The following PDE10A variants were observed in gnomAD, a reference collection of about 807,000 sequenced individuals.
PDE10A encodes cAMP and cAMP-inhibited cGMP 3',5'-cyclic phosphodiesterase 10A.
Under a neutral mutation model 97.7 loss-of-function variants are expected in PDE10A, and 39 were observed. The ratio of observed to expected loss-of-function variants is 0.40; its 90% CI spans 0.31 to 0.52. PDE10A has a LOEUF of 0.52. Ranked by LOEUF, PDE10A falls within the 20% of genes least tolerant of loss-of-function variation. The pLI is 0.56. For synonymous variants in PDE10A, 371 were observed against 376.8 expected, an observed-to-expected ratio of 0.98 and a Z score of 0.18; for missense variants, 731 against 1,047.8, an observed-to-expected ratio of 0.70 and a Z score of 4.17.
intron 3 of PDE10A, among the ~76,000 whole-genome samples, chr6:165,457,319 G>C (rs187518402): frequency 4.0e-5 from 6 of 148,550 alleles, no homozygotes; most frequent in Non-Finnish European, 5.9e-5. Context: ...TTCGTAATTC[G>C]AGACGAGTTA....
At chr6:165,906,000 CTT>C (rs1345440697) in intron 1 of PDE10A, among the ~76,000 whole-genome samples, 14 of 60,838 alleles carry the variant, frequency 2.3e-4, no homozygotes, top group African/African-American at 8.2e-4. Flanking sequence ...TCCTTCCTTC[CTT>C]CCTTCCTTCC....
intron 1 of PDE10A, among the ~76,000 whole-genome samples, chr6:165,925,995 G>A (rs1038498687): frequency 6.6e-6 from 1 of 152,190 alleles, no homozygotes; most frequent in Non-Finnish European, 1.5e-5. Flanking sequence ...AAGGGTATAT[G>A]AGGCTCTGTA....
intron 1 of PDE10A, among the ~76,000 whole-genome samples, chr6:165,926,829 T>C (rs972849746): frequency 2.0e-5 from 3 of 152,226 alleles, no homozygotes; most frequent in African/African-American, 7.2e-5. Context: ...TGTTGTACTT[T>C]ACATCAAAAA....
intron 1 of PDE10A, among the ~76,000 whole-genome samples, chr6:165,915,176 T>A (rs925179645): frequency 6.6e-6 from 1 of 152,130 alleles, no homozygotes; most frequent in Non-Finnish European, 1.5e-5. Flanking sequence ...GTCAAACTGC[T>A]TGTGTACAAC....
intron 3 of PDE10A, among the ~76,000 whole-genome samples, chr6:165,473,144 A>G (rs780851700): frequency 6.6e-5 from 10 of 152,242 alleles, no homozygotes; most frequent in Non-Finnish European, 8.8e-5. Context: ...GTCACTAAAG[A>G]TAATTTTAGA....
At chr6:165,854,407 T>G (rs914116541) in intron 1 of PDE10A, among the ~76,000 whole-genome samples, 1 of 151,824 alleles carries the variant, frequency 6.6e-6, no homozygotes, top group East Asian at 1.9e-4. Flanking sequence ...ACCAGGTGCG[T>G]TTTGGAAATT....
intron 1 of PDE10A, among the ~76,000 whole-genome samples, chr6:165,757,785 T>C (rs1793151708): frequency 6.6e-6 from 1 of 152,244 alleles, no homozygotes; most frequent in South Asian, 2.1e-4. Flanking sequence ...TTATTTATTT[T>C]GCCATATGAC....
intron 1 of PDE10A, among the ~76,000 whole-genome samples, chr6:165,687,133 C>T (rs1046243142): frequency 1.3e-5 from 2 of 152,370 alleles, no homozygotes; most frequent in African/African-American, 2.4e-5. Context: ...CGTTTCCATC[C>T]GCCCACGCGG....
upstream of PDE10A, among the ~76,000 whole-genome samples, chr6:165,663,261 A>ACGCCGCCGCCGC (rs376739819): frequency 6.7e-6 from 1 of 150,168 alleles, no homozygotes; most frequent in Non-Finnish European, 1.5e-5. Context: ...GGCGCTCCCC[A>ACGCCGCCGCCGC]CGCCGCCGCC....
At chr6:165,945,893 T>A (rs1004550168) in intron 1 of PDE10A, among the ~76,000 whole-genome samples, 1 of 152,194 alleles carries the variant, frequency 6.6e-6, no homozygotes, top group Non-Finnish European at 1.5e-5. Flanking sequence ...AGTGGGGAAA[T>A]GTGTGTGATT....
At chr6:165,495,847 T>C (rs1190312195) in intron 2 of PDE10A, among the ~76,000 whole-genome samples, 3 of 152,180 alleles carry the variant, frequency 2.0e-5, no homozygotes, top group Middle Eastern at 3.2e-3. Context: ...CAGAGTTCTT[T>C]ATGCTTACAA....
intron 1 of PDE10A, among the ~76,000 whole-genome samples, chr6:165,608,611 C>T (rs1234877917): frequency 1.3e-5 from 2 of 152,024 alleles, no homozygotes; most frequent in Non-Finnish European, 2.9e-5. Flanking sequence ...ATTTATAATC[C>T]TTTGGGTATA....
At chr6:165,441,554 A>G (rs1790470473) in intron 5 of PDE10A, among the ~76,000 whole-genome samples, 1 of 152,248 alleles carries the variant, frequency 6.6e-6, no homozygotes, top group Non-Finnish European at 1.5e-5. Context: ...ACTAAGTGGT[A>G]AAACAGAACT....
At chr6:165,352,658 A>C (rs1247807599) in intron 18 of PDE10A, among the ~76,000 whole-genome samples, 1 of 152,028 alleles carries the variant, frequency 6.6e-6, no homozygotes, top group Non-Finnish European at 1.5e-5. Flanking sequence ...AAAAAAAAAA[A>C]CACAATGCAT....
intron 1 of PDE10A, among the ~76,000 whole-genome samples, chr6:165,978,042 T>C (rs1363225271): frequency 1.3e-5 from 2 of 152,196 alleles, no homozygotes; most frequent in Non-Finnish European, 2.9e-5. Flanking sequence ...AATGAATTGA[T>C]GACAGAGGTC....
chr6:165,740,757 A>T (rs1792701177), intron 1 of PDE10A, among the ~76,000 whole-genome samples: 1 of 152,162 alleles, frequency 6.6e-6, no homozygotes, highest in South Asian at 2.1e-4. Flanking sequence ...ATACTGCATG[A>T]CCTCACTTAC....
intron 17 of PDE10A, among the ~76,000 whole-genome samples, chr6:165,385,957 C>T (rs546164426): frequency 3.3e-5 from 5 of 152,296 alleles, no homozygotes; most frequent in South Asian, 2.1e-4. Context: ...ATCTTCTCTA[C>T]GCAGAACAAA....
intron 17 of PDE10A, among the ~76,000 whole-genome samples, chr6:165,387,112 A>G (rs1398900679): frequency 6.6e-6 from 1 of 152,202 alleles, no homozygotes. Context: ...TGTCAAGCAA[A>G]TGATAGGAAT....
At chr6:165,633,355 G>A (rs76184409) in intron 1 of PDE10A, among the ~76,000 whole-genome samples, 244 of 152,156 alleles carry the variant, frequency 1.6e-3, no homozygotes, top group Non-Finnish European at 1.7e-3. Flanking sequence ...GCTCAGAAGC[G>A]GCCACTTTAA....
Sources: gnomAD v4.1 joint callset for allele counts (sites outside exome capture counted in the v4.1 genomes callset) on GRCh38, gnomAD v4.1.1 for gene constraint, MANE v1.5 for transcripts, NCBI Gene and HGNC (gene_info 2026-07-23, HGNC 2026-07-21) for gene names.